The following AGBL4 variants were observed in gnomAD, a reference collection of about 807,000 sequenced individuals.
AGBL4 encodes the protein cytosolic carboxypeptidase 6.
A neutral mutation model predicts 66.4 loss-of-function variants in AGBL4; 58 were observed. The observed-to-expected ratio is 0.87, with a 90% confidence interval of 0.71 to 1.09. The LOEUF (loss-of-function observed/expected upper bound fraction) is 1.09, where lower values mean the gene tolerates loss of function less well. Ranked by LOEUF, AGBL4 falls within the 50% of genes least tolerant of loss-of-function variation. The pLI, the probability that AGBL4 is intolerant of heterozygous loss-of-function variation, is 0.00. For missense variants in AGBL4, 579 were observed against 631.0 expected, an observed-to-expected ratio of 0.92 and a Z score of 0.88; for synonymous variants, 234 against 222.9, an observed-to-expected ratio of 1.05 and a Z score of -0.44.
intron 1 of AGBL4, among the ~76,000 whole-genome samples, chr1:49,996,535 G>T (rs959162900): frequency 6.6e-6 from 1 of 152,064 alleles, no homozygotes; most frequent in Non-Finnish European, 1.5e-5. Flanking sequence ...TAAAAAAAAT[G>T]AACAAAGCCT....
chr1:48,523,176 T>A, the AGBL4 span, among the ~76,000 whole-genome samples: 1 of 152,154 alleles, frequency 6.6e-6, no homozygotes, highest in Non-Finnish European at 1.5e-5. Context: ...GTTATATAAA[T>A]GCTGGGAACA....
At chr1:49,738,960 C>A (rs1650154928) in intron 2 of AGBL4, among the ~76,000 whole-genome samples, 1 of 152,184 alleles carries the variant, frequency 6.6e-6, no homozygotes, top group Non-Finnish European at 1.5e-5. Context: ...GGGGAAAAAA[C>A]AGAGCAGAAA....
At chr1:48,629,564 G>T (rs1314812482) in intron 9 of AGBL4, among the ~76,000 whole-genome samples, 1 of 152,162 alleles carries the variant, frequency 6.6e-6, no homozygotes, top group Non-Finnish European at 1.5e-5. Flanking sequence ...GTGAGGGCAG[G>T]TTAGGGACTG....
intron 8 of AGBL4, among the ~76,000 whole-genome samples, chr1:48,642,582 G>A (rs543789423): frequency 4.6e-5 from 7 of 152,166 alleles, no homozygotes; most frequent in African/African-American, 1.2e-4. Context: ...ATCTGAGGCC[G>A]AGAGGGCAGA....
At chr1:48,741,717 T>C (rs974822706) in intron 6 of AGBL4, among the ~76,000 whole-genome samples, 2 of 152,192 alleles carry the variant, frequency 1.3e-5, no homozygotes, top group African/African-American at 2.4e-5. Context: ...CAGAGAATGA[T>C]ACTAAATAAA....
chr1:48,806,863 G>A (rs754864438), intron 6 of AGBL4, among the ~76,000 whole-genome samples: 8 of 152,184 alleles, frequency 5.3e-5, no homozygotes, highest in Non-Finnish European at 1.2e-4. Context: ...GATGAACAGC[G>A]AGGGTTACCA....
At chr1:49,469,190 T>C (rs961365994) in intron 3 of AGBL4, among the ~76,000 whole-genome samples, 2 of 151,898 alleles carry the variant, frequency 1.3e-5, no homozygotes, top group South Asian at 4.1e-4. Flanking sequence ...AATACATATG[T>C]TATTATTGCC....
rs1646084649 is a variant in AGBL4, at chr1:48,660,131, AG to A, written c.724+3020del. Among the ~76,000 whole-genome samples, 7 of 152,322 alleles carry A rather than the reference AG, an allele frequency of 4.6e-5. No individual in the cohort carries two copies. In the South Asian group the frequency reaches 1.5e-3, roughly 32 times the overall value. On this transcript the variant is annotated intron_variant, in intron 7 of 13. Coordinates refer to ENST00000371839, the MANE Select transcript of AGBL4 (RefSeq NM_032785.4). Reference sequence around the variant, plus strand: ...TCCCGTAGTCACTGGAGAACAGGATAGTTTGGCCTCACAGAGGTCATGGGCA... The same window carrying A: ...TCCCGTAGTCACTGGAGAACAGGATATTTGGCCTCACAGAGGTCATGGGCA...
chr1:49,211,336 T>G (rs1420498527), intron 4 of AGBL4, among the ~76,000 whole-genome samples: 2 of 152,042 alleles, frequency 1.3e-5, no homozygotes, highest in Non-Finnish European at 2.9e-5. Flanking sequence ...AGTAATTGAG[T>G]GAAAGAATAA....
chr1:49,446,553 G>A (rs1646161066), intron 3 of AGBL4, among the ~76,000 whole-genome samples: 1 of 152,170 alleles, frequency 6.6e-6, no homozygotes, highest in African/African-American at 2.4e-5. Flanking sequence ...AAGCCAGATG[G>A]ACCAGTATAC....
intron 4 of AGBL4, among the ~76,000 whole-genome samples, chr1:49,232,270 A>C (rs1252018708): frequency 1.3e-5 from 2 of 152,294 alleles, no homozygotes; most frequent in East Asian, 3.9e-4. Flanking sequence ...AAAAGACAGA[A>C]ACTTGATCAG....
At chr1:49,395,344 T>G (rs1644935755) in intron 3 of AGBL4, among the ~76,000 whole-genome samples, 1 of 151,920 alleles carries the variant, frequency 6.6e-6, no homozygotes, top group Admixed American at 6.6e-5. Flanking sequence ...AAAAAATAAT[T>G]TTAATTGGTT....
chr1:49,847,113 C>A (rs1646168201), intron 2 of AGBL4, among the ~76,000 whole-genome samples: 2 of 152,038 alleles, frequency 1.3e-5, no homozygotes, highest in South Asian at 4.2e-4. Context: ...ATAGAGAACC[C>A]AGAAATAAAG....
At chr1:49,566,081 C>T (rs880002764) in intron 3 of AGBL4, among the ~76,000 whole-genome samples, 2 of 152,138 alleles carry the variant, frequency 1.3e-5, no homozygotes, top group Non-Finnish European at 2.9e-5. Context: ...CCTTTCTTCC[C>T]GTTGATCGCA....
At chr1:49,228,865 G>A (rs892104486) in intron 4 of AGBL4, among the ~76,000 whole-genome samples, 2 of 152,124 alleles carry the variant, frequency 1.3e-5, no homozygotes, top group Non-Finnish European at 2.9e-5. Context: ...GTATAAAGAT[G>A]GCAAAATTGT....
At chr1:49,510,779 T>A (rs1649158724) in intron 3 of AGBL4, among the ~76,000 whole-genome samples, 2 of 151,306 alleles carry the variant, frequency 1.3e-5, no homozygotes, top group Admixed American at 6.6e-5. Context: ...AAGGAAGGGA[T>A]CCAGTTTCAG....
At chr1:49,407,219 T>C (rs573563317) in intron 3 of AGBL4, among the ~76,000 whole-genome samples, 211 of 152,248 alleles carry the variant, frequency 1.4e-3, no homozygotes, top group South Asian at 3.1e-3. Flanking sequence ...TCCTCTATAA[T>C]GTGGGTTAGC....
intron 3 of AGBL4, among the ~76,000 whole-genome samples, chr1:49,636,330 G>A (rs1179811778): frequency 6.6e-6 from 1 of 152,100 alleles, no homozygotes; most frequent in African/African-American, 2.4e-5. Context: ...ATGGTATATT[G>A]CTGAGAGAAA....
intron 4 of AGBL4, among the ~76,000 whole-genome samples, chr1:49,233,003 A>G (rs1650442009): frequency 6.6e-6 from 1 of 152,216 alleles, no homozygotes; most frequent in Admixed American, 6.5e-5. Context: ...AAATATATTT[A>G]ACCAATCACT....
Sources: gnomAD v4.1 joint callset for allele counts (sites outside exome capture counted in the v4.1 genomes callset) on GRCh38, gnomAD v4.1.1 for gene constraint, MANE v1.5 for transcripts, NCBI Gene and HGNC (gene_info 2026-07-23, HGNC 2026-07-21) for gene names.